Variants in ARPC4 observed in about 807,000 individuals in gnomAD.
ARPC4 encodes the protein actin-related protein 2/3 complex subunit 4.
ARPC4 carries 3 observed loss-of-function variants against 22.8 expected under a neutral mutation model. The ratio of observed to expected loss-of-function variants is 0.13; its 90% CI spans 0.06 to 0.34. The LOEUF (loss-of-function observed/expected upper bound fraction) is 0.34. Among genes scored for constraint, ARPC4 ranks in the 10% least tolerant of loss-of-function variants. ARPC4 has a pLI of 1.00. For missense variants in ARPC4, 98 were observed against 211.0 expected (o/e 0.46, Z 3.32); for synonymous variants, 80 against 72.5 (o/e 1.10, Z -0.52).
intron 1 of ARPC4, among the ~76,000 whole-genome samples, chr3:9,797,183 T>C (rs957513176): frequency 6.6e-6 from 1 of 152,218 alleles, no homozygotes; most frequent in African/African-American, 2.4e-5. Context: ...ACAGTACACC[T>C]ATACATTTGT....
At chr3:9,796,060 C>T (rs550918860) in intron 1 of ARPC4, among the ~76,000 whole-genome samples, 110 of 152,122 alleles carry the variant, frequency 7.2e-4, no homozygotes, top group Non-Finnish European at 1.2e-3. Flanking sequence ...TGCACCACTG[C>T]GCTCCAGCCT....
At chr3:9,792,808 G>A (rs2078774395), upstream of ARPC4, 2 of 1,344,448 alleles carry the variant, frequency 1.5e-6, no homozygotes, top group African/African-American at 3.1e-5. Context: ...AAGCTGGGCT[G>A]TACCATTGCA....
At chr3:9,799,677 A>G (rs531236043) in intron 2 of ARPC4, among the ~76,000 whole-genome samples, 1 of 152,300 alleles carries the variant, frequency 6.6e-6, no homozygotes, top group African/African-American at 2.4e-5. Context: ...TCCTGACCTC[A>G]GGTGATCCAC....
chr3:9,795,079 C>T (rs886880859), intron 1 of ARPC4, among the ~76,000 whole-genome samples: 1 of 152,070 alleles, frequency 6.6e-6, no homozygotes, highest in Non-Finnish European at 1.5e-5. Flanking sequence ...GATCTCGGCT[C>T]ACTGCAACCT....
At position 9,806,574 on chromosome 3, in the gene ARPC4, G is replaced by A; in HGVS notation, c.*359G>A. On this transcript the variant is annotated 3_prime_UTR_variant, in exon 6 of 6. Transcript: ENST00000397261. ...TCCAGTGGCTGTGACTGGTCCCAGTGATTATACGTTATTGGTTGCTGTGGG... is the reference window on the plus strand; with the variant it reads ...TCCAGTGGCTGTGACTGGTCCCAGTAATTATACGTTATTGGTTGCTGTGGG... 6.2e-6 allele frequency: 2 copies of A among 321,712 alleles called. No homozygotes were observed. The highest frequency in any genetic ancestry group is 7.4e-5 in the South Asian group (2 of 27,046). The allele number at this position is 321,712 out of a possible 1,614,324, so 19.9% of individuals were successfully genotyped here.
At chr3:9,803,041 T>C (rs1184879610) in intron 4 of ARPC4, among the ~76,000 whole-genome samples, 2 of 151,770 alleles carry the variant, frequency 1.3e-5, no homozygotes, top group African/African-American at 4.8e-5. Flanking sequence ...CCGCCACCAT[T>C]CCCGGCTAAT....
At chr3:9,804,225 G>C (rs574018709) in intron 5 of ARPC4, 2 of 490,272 alleles carry the variant, frequency 4.1e-6, no homozygotes, top group South Asian at 7.1e-5. Context: ...TCTATATTTG[G>C]GTGTCTGGGG....
chr3:9,796,922 CAG>C lies in ARPC4; in HGVS notation c.4-734_4-733del, dbSNP rs1410094598. Among the ~76,000 whole-genome samples the C allele has an allele frequency of 3.4e-5, 4 of 117,968 alleles. 1 individual carries two copies. The highest frequency in any genetic ancestry group is 1.3e-4 in the African/African-American group (4 of 29,844). 77.4% of individuals were successfully genotyped at this position (117,968 alleles called of 152,430 possible). A position where few individuals can be genotyped will look rare whatever the true frequency, so the allele number is the denominator to read the frequency against. Reference sequence around the variant, plus strand: ...TGCCACCGCGCTCCAGCCTGGGCAACAGAGCGAGACTCTGTCTCAAAAAAAAA... The same window carrying C: ...TGCCACCGCGCTCCAGCCTGGGCAACAGCGAGACTCTGTCTCAAAAAAAAA... On this transcript the variant is annotated intron_variant, in intron 1 of 5. Transcript: ENST00000397261.
chr3:9,793,577 C>T (rs554177642), intron 1 of ARPC4, among the ~76,000 whole-genome samples: 1 of 152,316 alleles, frequency 6.6e-6, no homozygotes, highest in Non-Finnish European at 1.5e-5. Flanking sequence ...ACTTCCTTAT[C>T]CCATTCTTGG....
rs754514452 is a variant in ARPC4, at chr3:9,793,201, T to G, written c.3+77T>G. On this transcript the variant is annotated intron_variant, in intron 1 of 5. Coordinates refer to ENST00000397261, the MANE Select transcript of ARPC4 (RefSeq NM_005718.5). ...CAGTGGGTCGGTGGGAGATGTGGCT[T>G]TGCCGCAGGGGCGCGGGGCCGAGGG... 909 of 1,503,540 alleles carry G rather than the reference T, an allele frequency of 6.0e-4. 1 individual carries two copies. The highest frequency in any genetic ancestry group is 7.3e-4 in the Non-Finnish European group (819 of 1,120,316). 93.1% of individuals were successfully genotyped at this position (1,503,540 alleles called of 1,614,324 possible). A position where few individuals can be genotyped will look rare whatever the true frequency, so the allele number is the denominator to read the frequency against.
chr3:9,792,886 C>G (rs866110979), upstream of ARPC4: 1 of 1,386,700 alleles, frequency 7.2e-7, no homozygotes, highest in African/African-American at 1.5e-5. Context: ...GCACCCATTC[C>G]TGGAGGAGCT....
At chr3:9,805,436 AT>A (rs374724956) in intron 5 of ARPC4, among the ~76,000 whole-genome samples, 13 of 152,330 alleles carry the variant, frequency 8.5e-5, no homozygotes, top group African/African-American at 3.1e-4. Context: ...AGGGTCACAA[AT>A]TCAGGTGCAT....
At position 9,806,200 on chromosome 3, in the gene ARPC4, C is replaced by A; in HGVS notation, c.502-10C>A. On this transcript the variant is annotated splice_polypyrimidine_tract_variant and intron_variant, in intron 5 of 5. Transcript: ENST00000397261. Reference sequence around the variant, plus strand: ...AACCACCATGCACTGCCTCTTGGTTCTCTTGACAGTTTTAAACCATCTGGC... The same window carrying A: ...AACCACCATGCACTGCCTCTTGGTTATCTTGACAGTTTTAAACCATCTGGC... The A allele has an allele frequency of 6.2e-7, 1 of 1,613,876 alleles. No individual in the cohort carries two copies.
chr3:9,796,940 C>A (rs80011487), intron 1 of ARPC4, among the ~76,000 whole-genome samples: 460 of 114,622 alleles, frequency 4.0e-3, no homozygotes, highest in South Asian at 9.5e-3. Flanking sequence ...GACTCTGTCT[C>A]AAAAAAAAAA....
At chr3:9,793,325 A>G in intron 1 of ARPC4, 3 of 1,110,826 alleles carry the variant, frequency 2.7e-6, no homozygotes, top group Non-Finnish European at 3.7e-6. Flanking sequence ...CCTGGTATGA[A>G]GTGGGCCTTG....
intron 5 of ARPC4, among the ~76,000 whole-genome samples, chr3:9,805,181 A>G (rs2079083464): frequency 6.6e-6 from 1 of 152,214 alleles, no homozygotes; most frequent in Non-Finnish European, 1.5e-5. Flanking sequence ...CTCAACAATC[A>G]TTTACTTATT....
chr3:9,792,921 T>G (rs1172281066), upstream of ARPC4: 23 of 1,397,318 alleles, frequency 1.6e-5, no homozygotes, highest in Non-Finnish European at 2.1e-5. Context: ...AGTGCAAGAA[T>G]TTAAAAATAC....
intron 1 of ARPC4, among the ~76,000 whole-genome samples, chr3:9,795,660 CTTAT>C (rs754091000): frequency 1.2e-4 from 18 of 152,206 alleles, no homozygotes; most frequent in Admixed American, 5.9e-4. Flanking sequence ...ATTTCTTTCG[CTTAT>C]TTATTCTACA....
intron 5 of ARPC4, 169 bp downstream of exon 5, chr3:9,804,182 C>G (rs1025319730): frequency 1.6e-6 from 1 of 640,484 alleles, no homozygotes; most frequent in Non-Finnish European, 2.5e-6. Context: ...GCTAGAGGAC[C>G]CCAAGTTCAT....
Sources: gnomAD v4.1 joint callset for allele counts (sites outside exome capture counted in the v4.1 genomes callset) on GRCh38, gnomAD v4.1.1 for gene constraint, MANE v1.5 for transcripts, NCBI Gene and HGNC (gene_info 2026-07-23, HGNC 2026-07-21) for gene names.